Variants in EEIG2 observed in about 807,000 individuals in gnomAD.
The protein encoded by EEIG2 is EEIG family member 2, also known as family with sequence similarity 102 member B.
the EEIG2 span, chr1:108,600,610 CATTT>C: frequency 1.9e-6 from 3 of 1,611,730 alleles, no homozygotes; most frequent in South Asian, 3.3e-5. Context: ...AAGAAGTTCT[CATTT>C]ATGTGCAAAA....
chr1:108,634,940 A>T, the EEIG2 span, among the ~76,000 whole-genome samples: 815 of 152,308 alleles, frequency 5.4e-3, 4 homozygotes, highest in African/African-American at 0.019. Context: ...TTAATGATAA[A>T]CATTTAATAT....
At chr1:108,560,284 C>T in the EEIG2 span, 3 of 436,692 alleles carry the variant, frequency 6.9e-6, no homozygotes, top group Non-Finnish European at 9.0e-6. Context: ...CGGCCCCGGC[C>T]GCGGCCGGCC....
the EEIG2 span, among the ~76,000 whole-genome samples, chr1:108,581,011 C>G: frequency 6.6e-6 from 1 of 152,198 alleles, no homozygotes; most frequent in African/African-American, 2.4e-5. Flanking sequence ...GGCTCACTCT[C>G]TTGCTAGGAG....
chr1:108,585,063 C>A, the EEIG2 span, among the ~76,000 whole-genome samples: 1 of 152,074 alleles, frequency 6.6e-6, no homozygotes, highest in East Asian at 1.9e-4. Context: ...ACTAGGAATA[C>A]AGATAATATG....
At chr1:108,600,213 C>T in the EEIG2 span, among the ~76,000 whole-genome samples, 1 of 152,182 alleles carries the variant, frequency 6.6e-6, no homozygotes, top group East Asian at 1.9e-4. Context: ...ATAATCCCTA[C>T]AAGGTCAGGA....
chr1:108,560,416 C>A, the EEIG2 span: 1 of 1,588,386 alleles, frequency 6.3e-7, no homozygotes, highest in South Asian at 1.1e-5. Flanking sequence ...CTTGCAGGCG[C>A]CTGGCTCTCA....
the EEIG2 span, among the ~76,000 whole-genome samples, chr1:108,586,780 T>C: frequency 6.6e-6 from 1 of 152,168 alleles, no homozygotes; most frequent in Admixed American, 6.6e-5. Context: ...AAGCCATAAA[T>C]TTATTGATCT....
At chr1:108,612,059 T>C in the EEIG2 span, 11 of 611,712 alleles carry the variant, frequency 1.8e-5, no homozygotes, top group Middle Eastern at 6.4e-4. Context: ...AGTCAAAAAT[T>C]GCAAATAAAT....
the EEIG2 span, among the ~76,000 whole-genome samples, chr1:108,594,281 G>A: frequency 6.6e-6 from 1 of 152,130 alleles, no homozygotes; most frequent in African/African-American, 2.4e-5. Context: ...CAAGAATATT[G>A]TAAGAATGTA....
At chr1:108,602,498 T>A in the EEIG2 span, among the ~76,000 whole-genome samples, 1 of 152,210 alleles carries the variant, frequency 6.6e-6, no homozygotes, top group Non-Finnish European at 1.5e-5. Flanking sequence ...TCTTTGCATG[T>A]CTGTTTCTCT....
the EEIG2 span, among the ~76,000 whole-genome samples, chr1:108,582,068 C>G: frequency 1.3e-5 from 2 of 152,158 alleles, no homozygotes; most frequent in African/African-American, 2.4e-5. Flanking sequence ...TTGCTACCAA[C>G]AAAAAGATTA....
the EEIG2 span, among the ~76,000 whole-genome samples, chr1:108,616,621 A>C: frequency 6.6e-6 from 1 of 152,204 alleles, no homozygotes; most frequent in African/African-American, 2.4e-5. Context: ...TCCATACTCC[A>C]AATTATTAAT....
At chr1:108,560,359 C>T in the EEIG2 span, 1 of 1,390,922 alleles carries the variant, frequency 7.2e-7, no homozygotes, top group Non-Finnish European at 9.5e-7. Context: ...CTGGGCTGAT[C>T]CGGGGCTCGG....
chr1:108,638,479 A>G, the EEIG2 span: 5 of 152,236 alleles, frequency 3.3e-5, no homozygotes, highest in African/African-American at 1.2e-4. Context: ...CAAATACTTC[A>G]TTTAAGTACA....
the EEIG2 span, chr1:108,606,148 A>T: frequency 1.1e-6 from 1 of 945,986 alleles, no homozygotes; most frequent in Non-Finnish European, 1.6e-6. Flanking sequence ...TGTCTGCTTC[A>T]GAATTATTTG....
At chr1:108,589,717 T>G in the EEIG2 span, among the ~76,000 whole-genome samples, 1 of 149,846 alleles carries the variant, frequency 6.7e-6, no homozygotes, top group South Asian at 2.1e-4. Flanking sequence ...CTCTACCCAC[T>G]CTCCCTGAAT....
At chr1:108,628,460 G>A in the EEIG2 span, 1 of 1,614,122 alleles carries the variant, frequency 6.2e-7, no homozygotes, top group Non-Finnish European at 8.5e-7. Flanking sequence ...AAATACCTCA[G>A]TGGGAAGCAC....
At chr1:108,573,422 C>T in the EEIG2 span, among the ~76,000 whole-genome samples, 2 of 152,160 alleles carry the variant, frequency 1.3e-5, 1 homozygote, top group South Asian at 4.1e-4. Context: ...TGCTACACAA[C>T]CCTTGAAAAA....
At chr1:108,611,769 A>G in the EEIG2 span, among the ~76,000 whole-genome samples, 1 of 152,208 alleles carries the variant, frequency 6.6e-6, no homozygotes, top group African/African-American at 2.4e-5. Flanking sequence ...GGGTCTAATC[A>G]TTCTTCTCTA....
Sources: gnomAD v4.1 joint callset for allele counts (sites outside exome capture counted in the v4.1 genomes callset) on GRCh38, gnomAD v4.1.1 for gene constraint, MANE v1.5 for transcripts, NCBI Gene and HGNC (gene_info 2026-07-23, HGNC 2026-07-21) for gene names.